ESYT3: variants seen among roughly 807,000 people sequenced by gnomAD.
ESYT3 encodes the protein extended synaptotagmin-3.
Under a neutral mutation model 111.5 loss-of-function variants are expected in ESYT3, and 101 were observed. The observed-to-expected ratio is 0.91, with a 90% confidence interval of 0.77 to 1.07. The LOEUF (loss-of-function observed/expected upper bound fraction) is 1.07, where lower values mean the gene tolerates loss of function less well. Among genes scored for constraint, ESYT3 ranks in the 50% least tolerant of loss-of-function variants. The pLI, the probability that ESYT3 is intolerant of heterozygous loss-of-function variation, is 0.00. For missense variants in ESYT3, 1,097 were observed against 1,109.4 expected (o/e 0.99, Z 0.16); for synonymous variants, 416 against 446.8 (o/e 0.93, Z 0.87).
rs1195841218 is a variant in ESYT3 at position 138,470,119 on chromosome 3, T to C, written c.1563T>C (p.Asn521=). 6.2e-7 allele frequency: 1 copy of C among 1,612,024 alleles called. No individual in the cohort carries two copies. Among genetic ancestry groups the C allele is most frequent in the African/African-American group, 1.3e-5 (1 of 74,852 alleles). Residue 521 remains asparagine (N), a synonymous_variant, in exon 16 of 23, where the codon AAT becomes AAC. Coordinates refer to ENST00000389567, the MANE Select transcript of ESYT3 (RefSeq NM_031913.5). ...AGGTGTTCTCCTTCTTTGTGCACAA[T>C]GTGGCCACTGAGCGGCTCCATCTGA... is the stretch of plus-strand genomic sequence containing the variant. The part of the protein sequence containing the change: ...WSQVFSFFVH[N]VATERLHLKV...
chr3:138,447,640 A>G (rs2031631559), intron 1 of ESYT3, among the ~76,000 whole-genome samples: 1 of 152,260 alleles, frequency 6.6e-6, no homozygotes, highest in African/African-American at 2.4e-5. Context: ...TGGGAGAATC[A>G]ATGAACAATT....
intron 14 of ESYT3, 90 bp downstream of exon 14, chr3:138,468,971 A>G (rs1576461705): frequency 2.2e-6 from 3 of 1,334,502 alleles, no homozygotes; most frequent in African/African-American, 2.9e-5. Flanking sequence ...TCTGGGCCAC[A>G]GTCTGTGCAC....
At chr3:138,448,266 TA>T (rs71146126) in intron 1 of ESYT3, among the ~76,000 whole-genome samples, 2,597 of 44,560 alleles carry the variant, frequency 0.058, 38 homozygotes, top group Middle Eastern at 0.11. Flanking sequence ...AAACTCGATC[TA>T]AAAAAAAAAA....
chr3:138,471,048 G>T (rs1023583211), intron 17 of ESYT3, 22 bp downstream of exon 17: 1 of 1,599,516 alleles, frequency 6.3e-7, no homozygotes, highest in Admixed American at 1.7e-5. Flanking sequence ...CGGTCCCCTG[G>T]GGGAGGGGAG....
chr3:138,453,536 T>C (rs138865519), intron 2 of ESYT3, among the ~76,000 whole-genome samples: 302 of 152,282 alleles, frequency 2.0e-3, no homozygotes, highest in African/African-American at 7.0e-3. Flanking sequence ...TCACAGCCTT[T>C]AGGCTCCTCC....
chr3:138,463,085 T>C (rs925508809), intron 8 of ESYT3, among the ~76,000 whole-genome samples: 10 of 152,140 alleles, frequency 6.6e-5, no homozygotes, highest in South Asian at 2.1e-4. Flanking sequence ...ATGCTTTTTT[T>C]TGGGCGGTGG....
chr3:138,471,134 G>T, intron 17 of ESYT3, 108 bp downstream of exon 17: 1 of 866,754 alleles, frequency 1.2e-6, no homozygotes, highest in African/African-American at 1.7e-5. Context: ...AAGAAGCCAG[G>T]AGATGGATTC....
intron 1 of ESYT3, among the ~76,000 whole-genome samples, chr3:138,448,824 C>T (rs1355741340): frequency 6.6e-6 from 1 of 152,228 alleles, no homozygotes; most frequent in African/African-American, 2.4e-5. Context: ...GGCTCTTGCA[C>T]CTCGGCTCAC....
intron 1 of ESYT3, among the ~76,000 whole-genome samples, chr3:138,443,147 A>G (rs1207976966): frequency 6.6e-6 from 1 of 152,158 alleles, no homozygotes; most frequent in Non-Finnish European, 1.5e-5. Context: ...GACTAGTGGA[A>G]TTTCATCTGC....
At chr3:138,459,088 C>T in intron 4 of ESYT3, 99 bp from the exon 5 acceptor site, 5 of 948,848 alleles carry the variant, frequency 5.3e-6, no homozygotes, top group Non-Finnish European at 7.7e-6. Flanking sequence ...AACTGGCTGC[C>T]TGGGCTCCGG....
At chr3:138,445,795 T>C (rs923630131) in intron 1 of ESYT3, among the ~76,000 whole-genome samples, 17 of 152,232 alleles carry the variant, frequency 1.1e-4, no homozygotes, top group African/African-American at 3.9e-4. Context: ...CTTTAGTCTT[T>C]TCAGGAACTG....
intron 10 of ESYT3, 124 bp downstream of exon 10, chr3:138,465,545 A>G: frequency 2.8e-6 from 2 of 717,390 alleles, no homozygotes; most frequent in Non-Finnish European, 4.6e-6. Context: ...TGACATAGTG[A>G]CTGTGCCAGG....
At chr3:138,470,424 A>G (rs1418903772) in intron 16 of ESYT3, 6 of 1,157,858 alleles carry the variant, frequency 5.2e-6, no homozygotes, top group Admixed American at 4.1e-5. Context: ...AGAGCAGCCT[A>G]TCTACACAGG....
intron 4 of ESYT3, among the ~76,000 whole-genome samples, chr3:138,458,808 G>A (rs1430841066): frequency 6.6e-6 from 1 of 152,164 alleles, no homozygotes; most frequent in Non-Finnish European, 1.5e-5. Flanking sequence ...AGATGGGACA[G>A]GGGGACAGCA....
intron 15 of ESYT3, among the ~76,000 whole-genome samples, chr3:138,469,730 C>G (rs2033120507): frequency 6.6e-6 from 1 of 152,206 alleles, no homozygotes; most frequent in African/African-American, 2.4e-5. Context: ...CAAGCTTGGG[C>G]ATGGTTCTGA....
Position 138,461,953 on chromosome 3 carries a change from TG to T in ESYT3, c.795-129del. On this transcript the variant is annotated intron_variant, in intron 7 of 22. Transcript: ENST00000389567. ...GCACACCCACCCCTACCCAGGCAAG[TG>T]GGGTCAGGGCTGTTCTCTAGGTGGG... The T allele has an allele frequency of 8.6e-6, 11 of 1,277,800 alleles. No individual in the cohort carries two copies. The South Asian group carries it at 1.2e-4, about 14-fold the overall frequency. The allele number at this position is 1,277,800 out of a possible 1,614,324, so 79.2% of individuals were successfully genotyped here.
chr3:138,477,469 A>ATGT lies in ESYT3; in HGVS notation c.*617_*619dup, dbSNP rs1375307511. 6.6e-6 allele frequency: 1 copy of ATGT among 152,532 alleles called. No homozygotes were observed. Among genetic ancestry groups the ATGT allele is most frequent in the Non-Finnish European group, 1.5e-5 (1 of 68,314 alleles). 9.4% of individuals were successfully genotyped at this position (152,532 alleles called of 1,614,324 possible). A position where few individuals can be genotyped will look rare whatever the true frequency, so the allele number is the denominator to read the frequency against. On this transcript the variant is annotated 3_prime_UTR_variant, in exon 23 of 23. Coordinates refer to ENST00000389567, the MANE Select transcript of ESYT3 (RefSeq NM_031913.5). The stretch of plus-strand genomic sequence containing the variant: ...AAAATGTATTTCCCTACTGGCAAAA[A>ATGT]TGTTATACTGATATACTTAAATACC...
In ESYT3 at chr3:138,455,323, C is replaced by T; in HGVS notation, c.499C>T (p.Gln167Ter). The change falls in exon 3 of 23, where the codon CAG becomes TAG. Residue 167 changes from glutamine (Q) to a stop codon, truncating the protein, a stop_gained. Coordinates refer to ENST00000389567, the MANE Select transcript of ESYT3 (RefSeq NM_031913.5). LOFTEE classifies it high-confidence loss of function. ...TFTFTKLYFG[Q>*]KCPRVNGVKA... ...TACCTTTACCAAGCTCTACTTTGGACAGAAGGTGGGTGTGTCTCGGGAGGG... is the reference window on the plus strand; with the variant it reads ...TACCTTTACCAAGCTCTACTTTGGATAGAAGGTGGGTGTGTCTCGGGAGGG... 3.1e-6 allele frequency: 5 copies of T among 1,614,110 alleles called. No individual in the cohort carries two copies. Among genetic ancestry groups the T allele is most frequent in the Non-Finnish European group, 4.2e-6 (5 of 1,180,004 alleles).
At position 138,477,588 on chromosome 3, in the gene ESYT3, C is replaced by T. The variant is rs1419547293; in HGVS notation, c.*734C>T. 1.3e-5 allele frequency: 2 copies of T among 152,258 alleles called. No individual in the cohort carries two copies. The highest frequency in any genetic ancestry group is 2.9e-5 in the Non-Finnish European group (2 of 68,070). The allele number at this position is 152,258 out of a possible 1,614,324, so 9.4% of individuals were successfully genotyped here. A position where few individuals can be genotyped will look rare whatever the true frequency, so the allele number is the denominator to read the frequency against. ...TGCAAACCAAGTTCCAAGCCCAGGTCTATGTCTGACTCTCATAGCAAAGCA... is the reference window on the plus strand; with the variant it reads ...TGCAAACCAAGTTCCAAGCCCAGGTTTATGTCTGACTCTCATAGCAAAGCA... On this transcript the variant is annotated 3_prime_UTR_variant, in exon 23 of 23. Transcript: ENST00000389567.
Sources: allele counts gnomAD v4.1 joint callset (sites outside exome capture counted in the v4.1 genomes callset), GRCh38; gene constraint gnomAD v4.1.1; transcripts MANE v1.5; gene names NCBI Gene and HGNC (gene_info 2026-07-23, HGNC 2026-07-21).